ROBO2: variants seen among roughly 807,000 people sequenced by gnomAD.
The protein encoded by ROBO2 is roundabout guidance receptor 2.
A neutral mutation model predicts 160.8 loss-of-function variants in ROBO2; 53 were observed. The observed-to-expected ratio is 0.33, with a 90% CI of 0.26 to 0.41. The LOEUF is 0.41. Among genes scored for constraint, ROBO2 ranks in the 10% least tolerant of loss-of-function variants. The pLI, the probability that ROBO2 is intolerant of heterozygous loss-of-function variation, is 1.00. For synonymous variants in ROBO2, 664 were observed against 611.7 expected (o/e 1.09, Z -1.26); for missense variants, 1,577 against 1,722.4 (o/e 0.92, Z 1.49).
Position 76,599,158 on chromosome 3 carries a change from T to C in ROBO2, c.110-498856T>C, listed in dbSNP as rs2086934562. Among the ~76,000 whole-genome samples the C allele has an allele frequency of 2.6e-5, 4 of 152,168 alleles. No individual in the cohort carries two copies. In the South Asian group the frequency reaches 8.3e-4, roughly 32 times the overall value. On this transcript the variant is annotated intron_variant, in intron 2 of 26. Coordinates refer to the ROBO2 transcript ENST00000487694. Reference sequence around the variant, plus strand: ...TGTCACAGGGCATTGATGTACAGATTATTTCATCACCCATGTACTAAGCCT... The same window carrying C: ...TGTCACAGGGCATTGATGTACAGATCATTTCATCACCCATGTACTAAGCCT...
intron 2 of ROBO2, among the ~76,000 whole-genome samples, chr3:76,537,283 T>G (rs1384017405): frequency 6.6e-6 from 1 of 152,176 alleles, no homozygotes; most frequent in East Asian, 1.9e-4. Context: ...ATTTGCCAAT[T>G]TTTCGACAAA....
chr3:77,039,315 A>G (rs1367633420), upstream of ROBO2, among the ~76,000 whole-genome samples: 1 of 152,164 alleles, frequency 6.6e-6, no homozygotes, highest in Non-Finnish European at 1.5e-5. Context: ...CATCTGGCTA[A>G]AAGGTGAAGA....
intron 2 of ROBO2, among the ~76,000 whole-genome samples, chr3:77,304,234 G>A (rs781241959): frequency 2.6e-5 from 4 of 152,116 alleles, no homozygotes; most frequent in Non-Finnish European, 5.9e-5. Context: ...TTGTTTTGAA[G>A]CACAAAGAAC....
chr3:76,883,413 C>T (rs1231220116), intron 2 of ROBO2, among the ~76,000 whole-genome samples: 8 of 152,072 alleles, frequency 5.3e-5, no homozygotes, highest in African/African-American at 1.4e-4. Context: ...TGTAGTCATT[C>T]GCAAAGCCCT....
At chr3:77,521,085 C>T (rs995581642) in intron 5 of ROBO2, among the ~76,000 whole-genome samples, 16 of 151,344 alleles carry the variant, frequency 1.1e-4, no homozygotes, top group Admixed American at 6.6e-4. Context: ...TAACATGTAT[C>T]GTGCTTTTTG....
At chr3:76,633,984 T>G (rs2090174419) in intron 2 of ROBO2, among the ~76,000 whole-genome samples, 1 of 152,222 alleles carries the variant, frequency 6.6e-6, no homozygotes, top group South Asian at 2.1e-4. Flanking sequence ...AAAATCATTT[T>G]TAAATGAGTC....
rs114497561 is a variant in ROBO2 at position 77,444,882 on chromosome 3, A to C, written c.389-32532A>C. Among the ~76,000 whole-genome samples, 6 of 152,160 alleles carry C rather than the reference A, an allele frequency of 3.9e-5. No individual in the cohort carries two copies. The East Asian group carries it at 7.7e-4, about 20-fold the overall frequency. The stretch of plus-strand genomic sequence containing the variant: ...CAGCAGACATGCAGAATTGTCACCT[A>C]TGTTTGGAATGTGCGGAGGCATCCT... On this transcript the variant is annotated intron_variant, in intron 2 of 25. Coordinates refer to ENST00000461745, the Ensembl canonical transcript of ROBO2.
At position 77,253,014 on chromosome 3, in the gene ROBO2, T is replaced by C. The variant is rs2090556298; in HGVS notation, c.388+154674T>C. Among the ~76,000 whole-genome samples the C allele has an allele frequency of 5.9e-5, 9 of 151,322 alleles. No homozygotes were observed. The South Asian group carries it at 1.9e-3, about 32-fold the overall frequency. The stretch of plus-strand genomic sequence containing the variant: ...GATGTCCCAAAGTTAACATTACAGG[T>C]ATTTGTGGGGCATTTTAAGATCTAA... On this transcript the variant is annotated intron_variant, in intron 2 of 25. Coordinates refer to ENST00000461745, the Ensembl canonical transcript of ROBO2.
intron 2 of ROBO2, among the ~76,000 whole-genome samples, chr3:76,764,785 G>A (rs1001349495): frequency 1.3e-5 from 2 of 151,592 alleles, no homozygotes; most frequent in Non-Finnish European, 3.0e-5. Context: ...ATGCAGTAAA[G>A]TTCTTCCACA....
intron 16 of ROBO2, among the ~76,000 whole-genome samples, chr3:77,581,830 C>G (rs1385705848): frequency 6.6e-6 from 1 of 152,110 alleles, no homozygotes; most frequent in Non-Finnish European, 1.5e-5. Flanking sequence ...CTCTTAATTA[C>G]TAAAAACAGT....
At chr3:76,662,332 A>AC (rs1008959144) in intron 2 of ROBO2, among the ~76,000 whole-genome samples, 1 of 152,118 alleles carries the variant, frequency 6.6e-6, no homozygotes, top group Non-Finnish European at 1.5e-5. Context: ...CTTTAAAAAA[A>AC]ATTTTTTTCA....
At chr3:76,707,731 G>GTGTGTATATATATATATATATATATA (rs376823667) in intron 2 of ROBO2, among the ~76,000 whole-genome samples, 1 of 134,198 alleles carries the variant, frequency 7.5e-6, no homozygotes, top group Non-Finnish European at 1.6e-5. Context: ...ACATGTGTGT[G>GTGTGTATATATATATATATATATATA]TATATATATA....
At chr3:76,594,917 T>TC (rs1014173209) in intron 2 of ROBO2, among the ~76,000 whole-genome samples, 6 of 151,924 alleles carry the variant, frequency 3.9e-5, no homozygotes, top group African/African-American at 1.4e-4. Flanking sequence ...CTAAATTTGT[T>TC]CCCCCCAAAA....
intron 1 of ROBO2, among the ~76,000 whole-genome samples, chr3:77,072,389 A>T (rs757268342): frequency 2.6e-5 from 4 of 152,166 alleles, no homozygotes; most frequent in Non-Finnish European, 4.4e-5. Flanking sequence ...TGCCGCCCAC[A>T]CTACTCCATG....
chr3:77,558,016 C>T (rs748723178), exon 9 of ROBO2: 18 of 1,613,002 alleles, frequency 1.1e-5, no homozygotes, highest in Non-Finnish European at 1.4e-5. Context: ...GATGGTACAG[C>T]GTTACTGAAA....
chr3:77,203,100 C>T (rs553498752), intron 2 of ROBO2, among the ~76,000 whole-genome samples: 2 of 152,280 alleles, frequency 1.3e-5, no homozygotes, highest in South Asian at 2.1e-4. Flanking sequence ...CCTATCATGA[C>T]GTTTTGTTTT....
intron 1 of ROBO2, among the ~76,000 whole-genome samples, chr3:77,091,894 C>T (rs1033166082): frequency 4.0e-5 from 6 of 151,724 alleles, no homozygotes; most frequent in Non-Finnish European, 8.8e-5. Context: ...GCACGAGAAT[C>T]GCTTCAACCT....
At chr3:76,182,332 A>G (rs2107110544) in intron 2 of ROBO2, among the ~76,000 whole-genome samples, 1 of 152,262 alleles carries the variant, frequency 6.6e-6, no homozygotes, top group East Asian at 1.9e-4. Context: ...AGAAACTGGA[A>G]ATACGTTTTT....
rs181828247 is a variant in ROBO2 at position 76,001,872 on chromosome 3, A to G, written c.109+64270A>G. ...AAAATTATCTTATTTTATATATCTT[A>G]CTCTTAATAATTTAGAAAGGTTTAA... On this transcript the variant is annotated intron_variant, in intron 2 of 26. Transcript: ENST00000487694. Among the ~76,000 whole-genome samples the G allele has an allele frequency of 3.3e-5, 5 of 152,192 alleles. No individual in the cohort carries two copies. In the East Asian group the frequency reaches 9.7e-4, roughly 29 times the overall value.
Sources: gnomAD v4.1 joint callset for allele counts (sites outside exome capture counted in the v4.1 genomes callset) on GRCh38, gnomAD v4.1.1 for gene constraint, MANE v1.5 for transcripts, NCBI Gene and HGNC (gene_info 2026-07-23, HGNC 2026-07-21) for gene names.